Variants in DLGAP1 observed in about 807,000 individuals in gnomAD.
The protein encoded by DLGAP1 is DLG associated protein 1, also known as disks large-associated protein 1.
Under a neutral mutation model 90.8 loss-of-function variants are expected in DLGAP1, and 11 were observed. The observed-to-expected ratio is 0.12, with a 90% CI of 0.08 to 0.20. The LOEUF is 0.20. DLGAP1 is among the 10% of genes least tolerant of loss of function. DLGAP1 has a pLI of 1.00. For synonymous variants in DLGAP1, 558 were observed against 540.7 expected (o/e 1.03, Z -0.44); for missense variants, 1,050 against 1,333.8 (o/e 0.79, Z 3.31).
chr18:4,088,779 C>G (rs1234601942), intron 2 of DLGAP1, among the ~76,000 whole-genome samples: 1 of 152,028 alleles, frequency 6.6e-6, no homozygotes, highest in East Asian at 1.9e-4. Context: ...TCTCAATAAA[C>G]TAGGTATGGA....
At chr18:4,075,107 G>T (rs902922627) in intron 2 of DLGAP1, among the ~76,000 whole-genome samples, 1 of 152,046 alleles carries the variant, frequency 6.6e-6, no homozygotes, top group Non-Finnish European at 1.5e-5. Context: ...TCACCAATAG[G>T]ATTTTCCTCT....
At chr18:3,981,774 G>T (rs976229417) in intron 3 of DLGAP1, among the ~76,000 whole-genome samples, 1 of 152,188 alleles carries the variant, frequency 6.6e-6, no homozygotes, top group Non-Finnish European at 1.5e-5. Context: ...GGATAATAGA[G>T]AATTTATGGT....
chr18:3,747,401 G>A lies in DLGAP1; in HGVS notation c.1173-4889C>T, dbSNP rs150726245. On this transcript the variant is annotated intron_variant, in intron 5 of 12. Transcript: ENST00000315677. Reference sequence around the variant, plus strand: ...ACTGAAAAATTCGTTTTCCTTTTAAGATCTTTTTTAGAAAAAGAGAATCGT... The same window carrying A: ...ACTGAAAAATTCGTTTTCCTTTTAAAATCTTTTTTAGAAAAAGAGAATCGT... Among the ~76,000 whole-genome samples, 138 of 152,254 alleles carry A rather than the reference G, an allele frequency of 9.1e-4. 1 individual carries two copies. The highest frequency in any genetic ancestry group is 3.2e-3 in the African/African-American group (134 of 41,554).
At chr18:3,948,866 C>A (rs573740850) in intron 3 of DLGAP1, among the ~76,000 whole-genome samples, 3 of 151,816 alleles carry the variant, frequency 2.0e-5, no homozygotes, top group African/African-American at 7.3e-5. Flanking sequence ...CAAATCACCC[C>A]AAAGAACTTA....
intron 6 of DLGAP1, among the ~76,000 whole-genome samples, chr18:3,741,061 C>A (rs889896975): frequency 1.1e-5 from 1 of 90,824 alleles, no homozygotes; most frequent in Admixed American, 1.0e-4. Flanking sequence ...ACCACCATCA[C>A]CACCACCACC....
At chr18:4,230,170 T>C (rs1225911814) in intron 1 of DLGAP1, among the ~76,000 whole-genome samples, 5 of 152,248 alleles carry the variant, frequency 3.3e-5, no homozygotes, top group Admixed American at 2.6e-4. Flanking sequence ...GGAACCCTCA[T>C]ACACTGTTGG....
At chr18:4,417,005 C>T (rs1301361679) in intron 1 of DLGAP1, among the ~76,000 whole-genome samples, 1 of 152,124 alleles carries the variant, frequency 6.6e-6, no homozygotes, top group Non-Finnish European at 1.5e-5. Flanking sequence ...TGTGTTTATT[C>T]CTTATTGCAG....
intron 1 of DLGAP1, among the ~76,000 whole-genome samples, chr18:4,292,568 A>G (rs576956747): frequency 1.4e-4 from 21 of 152,256 alleles, no homozygotes; most frequent in African/African-American, 4.6e-4. Context: ...TATTTCAGAA[A>G]TTAGAAGAAA....
chr18:3,994,004 G>A (rs1044481614), intron 3 of DLGAP1, among the ~76,000 whole-genome samples: 2 of 152,204 alleles, frequency 1.3e-5, no homozygotes, highest in African/African-American at 4.8e-5. Context: ...AATGTGGTGA[G>A]TGAAGTAAAA....
chr18:3,833,254 G>C (rs76409678), intron 4 of DLGAP1, among the ~76,000 whole-genome samples: 1 of 126,142 alleles, frequency 7.9e-6, no homozygotes, highest in Non-Finnish European at 1.6e-5. Flanking sequence ...GTTTTTTTTT[G>C]ACAGGGTCTC....
At chr18:4,138,169 G>A (rs140012360) in intron 2 of DLGAP1, among the ~76,000 whole-genome samples, 22 of 152,106 alleles carry the variant, frequency 1.4e-4, no homozygotes, top group African/African-American at 3.9e-4. Flanking sequence ...TGAAAAGTGG[G>A]CATCCTATTC....
chr18:3,828,379 C>T (rs535027677), intron 4 of DLGAP1, among the ~76,000 whole-genome samples: 2 of 152,294 alleles, frequency 1.3e-5, no homozygotes, highest in Admixed American at 6.5e-5. Flanking sequence ...GTGGCTCACG[C>T]CTGTAATCCC....
chr18:4,248,458 T>TC (rs2145177744), intron 1 of DLGAP1: 1 of 152,362 alleles, frequency 6.6e-6, no homozygotes, highest in African/African-American at 2.4e-5. Context: ...AATGGCTCTC[T>TC]ACTTTAACTA....
chr18:4,044,816 G>T (rs2075025256), intron 2 of DLGAP1, among the ~76,000 whole-genome samples: 2 of 152,088 alleles, frequency 1.3e-5, no homozygotes, highest in Admixed American at 1.3e-4. Flanking sequence ...TCAGGTAAAA[G>T]AAATAGTACT....
chr18:4,278,523 A>C (rs2079470616), intron 1 of DLGAP1, among the ~76,000 whole-genome samples: 1 of 152,148 alleles, frequency 6.6e-6, no homozygotes, highest in African/African-American at 2.4e-5. Flanking sequence ...CTTTTAAGTG[A>C]GATCAGGCAG....
intron 7 of DLGAP1, among the ~76,000 whole-genome samples, chr18:3,695,483 T>C (rs2061061607): frequency 6.6e-6 from 1 of 152,230 alleles, no homozygotes; most frequent in South Asian, 2.1e-4. Flanking sequence ...TGCTTGTTTT[T>C]GTCAGGTTTG....
intron 1 of DLGAP1, among the ~76,000 whole-genome samples, chr18:4,283,692 G>A (rs679306): frequency 1 from 152,102 of 152,334 alleles, 75,938 homozygotes; most frequent in Middle Eastern, 1. Context: ...CTTTTCTTGA[G>A]AATACTAAAC....
At chr18:3,506,562 AAAAAG>A (rs2050239664) in intron 11 of DLGAP1, among the ~76,000 whole-genome samples, 1 of 151,818 alleles carries the variant, frequency 6.6e-6, no homozygotes, top group African/African-American at 2.4e-5. Flanking sequence ...CAAAAAAAAA[AAAAAG>A]AAATCTGCAA....
At chr18:4,152,273 T>C (rs2144412560) in intron 1 of DLGAP1, among the ~76,000 whole-genome samples, 1 of 152,304 alleles carries the variant, frequency 6.6e-6, no homozygotes, top group Non-Finnish European at 1.5e-5. Flanking sequence ...AGAAAAATAA[T>C]AAATCTAAGT....
Sources: allele counts gnomAD v4.1 joint callset (sites outside exome capture counted in the v4.1 genomes callset), GRCh38; gene constraint gnomAD v4.1.1; transcripts MANE v1.5; gene names NCBI Gene and HGNC (gene_info 2026-07-23, HGNC 2026-07-21).